The following HM13 variants were observed in gnomAD, a reference collection of about 807,000 sequenced individuals.
The protein encoded by HM13 is histocompatibility minor 13.
In HM13, 18 loss-of-function variants were observed where a neutral mutation model predicts 50.0. That is an observed-to-expected ratio of 0.36 (90% confidence interval 0.25 to 0.53). HM13 has a LOEUF of 0.53. Among genes scored for constraint, HM13 ranks in the 20% least tolerant of loss-of-function variants. The probability of loss-of-function intolerance (pLI) is 0.90; values close to 1 mark genes in which losing one functional copy is unlikely to be tolerated. For missense variants in HM13, 393 were observed against 552.4 expected, an observed-to-expected ratio of 0.71 and a Z score of 2.89; for synonymous variants, 197 against 232.6, an observed-to-expected ratio of 0.85 and a Z score of 1.39.
intron 1 of HM13, among the ~76,000 whole-genome samples, chr20:31,517,549 G>C (rs1981871883): frequency 6.6e-6 from 1 of 152,100 alleles, no homozygotes; most frequent in African/African-American, 2.4e-5. Flanking sequence ...ACAGACATGT[G>C]ACTAGTCAAG....
At chr20:31,538,636 G>T in intron 3 of HM13, 1 of 1,180,378 alleles carries the variant, frequency 8.5e-7, no homozygotes. Flanking sequence ...ACACATGATC[G>T]TGTTTCGTAA....
chr20:31,553,169 G>A (rs1292521151), intron 7 of HM13, among the ~76,000 whole-genome samples: 2 of 140,860 alleles, frequency 1.4e-5, no homozygotes, highest in Non-Finnish European at 3.0e-5. Context: ...GGTGGCGCAT[G>A]CCTGTAATTT....
intron 3 of HM13, among the ~76,000 whole-genome samples, chr20:31,544,013 G>A (rs1372537819): frequency 6.6e-6 from 1 of 152,108 alleles, no homozygotes; most frequent in Admixed American, 6.5e-5. Flanking sequence ...CCCTGCTAAA[G>A]ACTCCATGCC....
At chr20:31,567,319 C>G (rs1484720978) in intron 11 of HM13, among the ~76,000 whole-genome samples, 1 of 152,184 alleles carries the variant, frequency 6.6e-6, no homozygotes, top group Non-Finnish European at 1.5e-5. Context: ...TTCCCTGCCC[C>G]TCCCCTTGGG....
intron 11 of HM13, chr20:31,567,737 T>G: frequency 4.3e-6 from 1 of 232,688 alleles, no homozygotes; most frequent in Non-Finnish European, 8.2e-6. Flanking sequence ...ACCTGTGCAC[T>G]GATGTGTGTA....
chr20:31,554,498 C>G, intron 7 of HM13: 1 of 396,684 alleles, frequency 2.5e-6, no homozygotes, highest in Non-Finnish European at 4.7e-6. Flanking sequence ...CTGGCTAACA[C>G]GGTGAAACCC....
At chr20:31,547,710 G>GT in intron 4 of HM13, 1 of 1,292,572 alleles carries the variant, frequency 7.7e-7, no homozygotes, top group Non-Finnish European at 1.1e-6. Flanking sequence ...GGGAATTATT[G>GT]TTTTTTAGAC....
At chr20:31,564,016 A>G (rs142973227) in intron 10 of HM13, 3,034 of 151,968 alleles carry the variant, frequency 0.02, 43 homozygotes, top group Non-Finnish European at 0.029. Flanking sequence ...CGGAGGTTGC[A>G]GTGAGCCGAG....
In HM13 at chr20:31,514,628, C is replaced by T. The variant is rs1262167289; in HGVS notation, c.77C>T (p.Pro26Leu). The T allele has an allele frequency of 1.9e-6, 3 of 1,585,830 alleles. No individual in the cohort carries two copies. Among genetic ancestry groups the T allele is most frequent in the Non-Finnish European group, 2.6e-6 (3 of 1,167,840 alleles). Residue 26 changes from proline to leucine, a missense_variant, in exon 1 of 13, where the codon CCT (proline) becomes CTT (leucine). Physicochemically the swap from Pro to Leu is moderately conservative, Grantham distance 98. This residue lies in a region of HM13 where 214 missense variants were observed against 276.1 expected (regional missense o/e 0.77). Coordinates refer to ENST00000398174, the MANE Select transcript of HM13 (RefSeq NM_178581.3). The surrounding 1 kb of genome is among the most constrained non-coding windows in gnomAD (Gnocchi z 4.3). ...CCCACCAACAGCACTACGCGGCCGC[C>T]TTCCACGCCCGAGGGCATCGCGCTG... ...GGPTNSTTRP[P>L]STPEGIALAY...
intron 1 of HM13, 60 bp from the exon 2 acceptor site, chr20:31,527,424 C>A: frequency 8.4e-7 from 1 of 1,186,684 alleles, no homozygotes; most frequent in Non-Finnish European, 1.3e-6. Context: ...ATTAGCAGAG[C>A]CTTGCAGGAA....
chr20:31,563,599 C>T (rs1244415568), intron 10 of HM13, among the ~76,000 whole-genome samples: 1 of 151,852 alleles, frequency 6.6e-6, no homozygotes, highest in African/African-American at 2.4e-5. Flanking sequence ...GCTGGGATTA[C>T]AAGCGTGAGC....
chr20:31,528,840 G>A (rs1172046816), intron 2 of HM13, among the ~76,000 whole-genome samples: 1 of 152,138 alleles, frequency 6.6e-6, no homozygotes, highest in Non-Finnish European at 1.5e-5. Context: ...AAACTCCTGG[G>A]CTCAAGTGAT....
chr20:31,549,132 G>A lies in HM13; in HGVS notation c.540+18G>A, dbSNP rs1276586443. On this transcript the variant is annotated intron_variant, in intron 5 of 12. Transcript: ENST00000398174. ...TGAGGAAGGTGAGTAGTCAGGACCT[G>A]GGCAGAAGGGGAGGATGGGGTTGAC... 2 of 1,613,784 alleles carry A rather than the reference G, an allele frequency of 1.2e-6. No individual in the cohort carries two copies. The highest frequency in any genetic ancestry group is 4.5e-5 in the East Asian group (2 of 44,886).
intron 8 of HM13, among the ~76,000 whole-genome samples, chr20:31,557,370 G>A (rs1220240789): frequency 4.6e-5 from 7 of 152,144 alleles, no homozygotes; most frequent in South Asian, 4.1e-4. Flanking sequence ...AGGACATCTC[G>A]GCATATCTGT....
Position 31,545,003 on chromosome 20 carries a change from T to C in HM13, c.422T>C (p.Leu141Pro). The change falls in exon 4 of 13, where the codon CTC becomes CCC. Residue 141 changes from leucine (L) to proline (P), a missense_variant. Around this residue, in one of 3 missense-constraint regions of HM13, gnomAD observed 214 missense variants for 276.1 expected, o/e 0.77. Coordinates refer to ENST00000398174, the MANE Select transcript of HM13 (RefSeq NM_178581.3). ...ASFPNRQYQL[L>P]FTQGSGENKE... ...TTTCCAAATCGACAGTACCAGCTGC[T>C]CTTCACACAGGGTTCTGGGGAAAAC... 1.2e-6 allele frequency: 2 copies of C among 1,614,238 alleles called. No homozygotes were observed. The highest frequency in any genetic ancestry group is 1.7e-6 in the Non-Finnish European group (2 of 1,180,026).
intron 2 of HM13, among the ~76,000 whole-genome samples, chr20:31,528,873 G>A (rs1252878586): frequency 2.0e-5 from 3 of 152,018 alleles, no homozygotes; most frequent in South Asian, 2.1e-4. Context: ...CCCTCCCAAA[G>A]TGCTGGGATT....
At chr20:31,542,096 G>A (rs1243883382) in intron 3 of HM13, among the ~76,000 whole-genome samples, 6 of 152,334 alleles carry the variant, frequency 3.9e-5, no homozygotes, top group Admixed American at 6.5e-5. Flanking sequence ...AGCTGCACCC[G>A]AGCTGTGACA....
intron 3 of HM13, among the ~76,000 whole-genome samples, chr20:31,544,051 C>G (rs1182526327): frequency 6.6e-6 from 1 of 152,232 alleles, no homozygotes; most frequent in African/African-American, 2.4e-5. Context: ...TGCCTTCTTT[C>G]ATATCTTCAT....
At chr20:31,551,554 T>C (rs1038956421) in intron 7 of HM13, among the ~76,000 whole-genome samples, 3 of 152,166 alleles carry the variant, frequency 2.0e-5, no homozygotes, top group African/African-American at 2.4e-5. Flanking sequence ...GGAAACATGA[T>C]TGGCTTAGAG....
Sources: allele counts gnomAD v4.1 joint callset (sites outside exome capture counted in the v4.1 genomes callset), GRCh38; gene constraint gnomAD v4.1.1; regional missense constraint gnomAD v4.1.1; non-coding constraint Gnocchi (gnomAD v3.1); transcripts MANE v1.5; gene names NCBI Gene and HGNC (gene_info 2026-07-23, HGNC 2026-07-21).